Variants in GALNT16 observed in about 807,000 individuals in gnomAD.
GALNT16 encodes the protein polypeptide N-acetylgalactosaminyltransferase 16.
Under a neutral mutation model 76.1 loss-of-function variants are expected in GALNT16, and 40 were observed. The observed-to-expected ratio is 0.53, with a 90% CI of 0.41 to 0.68. GALNT16 has a LOEUF of 0.68. Among genes scored for constraint, GALNT16 ranks in the 30% least tolerant of loss-of-function variants. GALNT16 has a pLI of 0.00. For synonymous variants in GALNT16, 276 were observed against 285.2 expected (o/e 0.97, Z 0.32); for missense variants, 621 against 731.9 (o/e 0.85, Z 1.75).
chr14:69,336,116 C>G (rs961897756), intron 9 of GALNT16, among the ~76,000 whole-genome samples: 1 of 152,108 alleles, frequency 6.6e-6, no homozygotes, highest in East Asian at 1.9e-4. Flanking sequence ...GCTGCACGGC[C>G]TCCTTTTTTT....
At chr14:69,275,364 T>C (rs1260356447) in intron 1 of GALNT16, among the ~76,000 whole-genome samples, 1 of 151,720 alleles carries the variant, frequency 6.6e-6, no homozygotes, top group African/African-American at 2.4e-5. Flanking sequence ...ATAAATGAAA[T>C]TGATCAGTAT....
the GALNT16 span, among the ~76,000 whole-genome samples, chr14:69,367,644 CAAA>C: frequency 3.0e-4 from 19 of 63,988 alleles, no homozygotes; most frequent in Non-Finnish European, 4.4e-4. Context: ...CTGTGCAAGG[CAAA>C]AAAAAAAAAA....
chr14:69,283,806 C>T (rs1339820847), intron 1 of GALNT16, among the ~76,000 whole-genome samples: 1 of 152,188 alleles, frequency 6.6e-6, no homozygotes, highest in Non-Finnish European at 1.5e-5. Flanking sequence ...ATTACTGTCC[C>T]TCTGCTTTCT....
At chr14:69,351,771 G>T (rs45462603) in intron 14 of GALNT16, 12,965 of 338,302 alleles carry the variant, frequency 0.038, 293 homozygotes, top group Non-Finnish European at 0.051. Context: ...AAATTAGCTG[G>T]GCGTGGTGGC....
chr14:69,327,067 A>C lies in GALNT16; in HGVS notation c.568+1040A>C, dbSNP rs929530560. Among the ~76,000 whole-genome samples the C allele has an allele frequency of 3.3e-5, 5 of 152,204 alleles. No homozygotes were observed. In the South Asian group the frequency reaches 1.0e-3, roughly 32 times the overall value. The stretch of plus-strand genomic sequence containing the variant: ...GGAGCCACTGAGGTTTTAGAGTAAG[A>C]GAGGGATGTGATTGATATGTTTAAA... On this transcript the variant is annotated intron_variant, in intron 5 of 14. Transcript: ENST00000448469.
chr14:69,345,703 A>AGTGTGTGTGTGTGTGT (rs55871607), intron 12 of GALNT16, among the ~76,000 whole-genome samples: 5,463 of 134,960 alleles, frequency 0.04, 234 homozygotes, highest in East Asian at 0.057. Context: ...ATAAGGTGTC[A>AGTGTGTGTGTGTGTGT]GTGTGTGTGT....
At chr14:69,339,217 T>G (rs775623431) in intron 10 of GALNT16, among the ~76,000 whole-genome samples, 9 of 152,178 alleles carry the variant, frequency 5.9e-5, no homozygotes, top group Non-Finnish European at 1.0e-4. Flanking sequence ...CTGAGGAGGT[T>G]GGCAGGGGAG....
At chr14:69,273,210 G>A (rs2044427894) in intron 1 of GALNT16, among the ~76,000 whole-genome samples, 1 of 151,722 alleles carries the variant, frequency 6.6e-6, no homozygotes, top group African/African-American at 2.4e-5. Context: ...TCCCTTCTAA[G>A]CTCTTGCTGT....
At chr14:69,347,432 C>T (rs1240721717) in intron 13 of GALNT16, among the ~76,000 whole-genome samples, 1 of 152,180 alleles carries the variant, frequency 6.6e-6, no homozygotes, top group African/African-American at 2.4e-5. Flanking sequence ...GCCCAGTTGT[C>T]TCCTGAGATC....
At chr14:69,378,865 G>C in the GALNT16 span, among the ~76,000 whole-genome samples, 1 of 152,012 alleles carries the variant, frequency 6.6e-6, no homozygotes. Flanking sequence ...ATTTTAGCAG[G>C]ACAGGCCAAA....
chr14:69,302,114 A>G (rs960915977), intron 1 of GALNT16, among the ~76,000 whole-genome samples: 6 of 152,196 alleles, frequency 3.9e-5, no homozygotes, highest in Admixed American at 1.3e-4. Flanking sequence ...AGATCCCCAG[A>G]GAGTTCATAA....
intron 1 of GALNT16, among the ~76,000 whole-genome samples, chr14:69,308,557 TAGAG>T (rs1370903183): frequency 6.6e-6 from 1 of 152,240 alleles, no homozygotes; most frequent in Non-Finnish European, 1.5e-5. Context: ...TGTCTACTGA[TAGAG>T]ATTTATTTCC....
chr14:69,337,291 C>T (rs1440404638), intron 9 of GALNT16, among the ~76,000 whole-genome samples: 2 of 151,838 alleles, frequency 1.3e-5, no homozygotes, highest in Admixed American at 6.6e-5. Flanking sequence ...TCAACGTCCT[C>T]GTTAAAAAAA....
At chr14:69,351,774 G>A (rs1050209678) in intron 14 of GALNT16, 2 of 348,368 alleles carry the variant, frequency 5.7e-6, no homozygotes, top group African/African-American at 2.1e-5. Flanking sequence ...TTAGCTGGGC[G>A]TGGTGGCATG....
chr14:69,370,837 T>A, the GALNT16 span, among the ~76,000 whole-genome samples: 2 of 152,230 alleles, frequency 1.3e-5, no homozygotes, highest in East Asian at 3.8e-4. Context: ...CCTGGTGCTA[T>A]CTTCTCCTTT....
rs55871607 is a variant in GALNT16, at chr14:69,345,703, AGT to A, written c.1272-1304_1272-1303del. Among the ~76,000 whole-genome samples the A allele has an allele frequency of 7.5e-3, 1,009 of 134,924 alleles. 14 individuals carry two copies. Among genetic ancestry groups the A allele is most frequent in the African/African-American group, 0.024 (867 of 36,094 alleles). The allele number at this position is 134,924 out of a possible 152,430, so 88.5% of individuals were successfully genotyped here. A position where few individuals can be genotyped will look rare whatever the true frequency, so the allele number is the denominator to read the frequency against. On this transcript the variant is annotated intron_variant, in intron 12 of 14. Transcript: ENST00000448469. ...TCAGGTTTATTACCCATAAGGTGTC[AGT>A]GTGTGTGTGTGTGTGTGTGTGTGTG...
chr14:69,338,501 G>A, intron 9 of GALNT16, 150 bp from the exon 10 acceptor site: 1 of 984,930 alleles, frequency 1.0e-6, no homozygotes, highest in Non-Finnish European at 1.5e-6. Flanking sequence ...CCTGTGCAAG[G>A]AGTGGGAGCA....
At chr14:69,341,844 CT>C in intron 12 of GALNT16, 80 bp downstream of exon 12, 1 of 834,552 alleles carries the variant, frequency 1.2e-6, no homozygotes, top group Non-Finnish European at 2.0e-6. Context: ...CCACCCCACC[CT>C]TAGATCTCCT....
At chr14:69,294,486 T>C (rs1566868145) in intron 1 of GALNT16, among the ~76,000 whole-genome samples, 1 of 152,180 alleles carries the variant, frequency 6.6e-6, no homozygotes, top group East Asian at 1.9e-4. Context: ...AATTCACTAG[T>C]TCTAACTGCA....
Sources: allele counts gnomAD v4.1 joint callset (sites outside exome capture counted in the v4.1 genomes callset), GRCh38; gene constraint gnomAD v4.1.1; transcripts MANE v1.5; gene names NCBI Gene and HGNC (gene_info 2026-07-23, HGNC 2026-07-21).